NPC1: variants seen among roughly 807,000 people sequenced by gnomAD.
NPC1 encodes NPC intracellular cholesterol transporter 1.
In NPC1, 85 loss-of-function variants were observed where a neutral mutation model predicts 140.4. The ratio of observed to expected loss-of-function variants is 0.61; its 90% CI spans 0.51 to 0.72. The LOEUF (loss-of-function observed/expected upper bound fraction) is 0.72, where lower values mean the gene tolerates loss of function less well. Among genes scored for constraint, NPC1 ranks in the 30% least tolerant of loss-of-function variants. NPC1 has a pLI of 0.00. For missense variants in NPC1, 1,504 were observed against 1,623.8 expected (o/e 0.93, Z 1.27); for synonymous variants, 656 against 624.8 (o/e 1.05, Z -0.74).
At chr18:23,571,908 A>G (rs1052448564) in intron 3 of NPC1, among the ~76,000 whole-genome samples, 166 bp downstream of exon 3, 5 of 151,266 alleles carry the variant, frequency 3.3e-5, no homozygotes, top group Non-Finnish European at 1.5e-5. Flanking sequence ...ATAAATATAT[A>G]TTCACCTACT....
At chr18:23,530,336 ACT>A, downstream of NPC1, 4 of 1,613,996 alleles carry the variant, frequency 2.5e-6, no homozygotes, top group South Asian at 1.1e-5. Flanking sequence ...ATGGAAACTA[ACT>A]CTGTTCCTGT....
At chr18:23,569,769 A>T (rs2059175834) in intron 3 of NPC1, among the ~76,000 whole-genome samples, 1 of 152,222 alleles carries the variant, frequency 6.6e-6, no homozygotes, top group Non-Finnish European at 1.5e-5. Flanking sequence ...AAAGATAGAG[A>T]ACAGCAATGT....
At chr18:23,531,315 A>G, downstream of NPC1, 1 of 269,516 alleles carries the variant, frequency 3.7e-6, no homozygotes, top group Non-Finnish European at 6.8e-6. Context: ...ATCTCCAAAT[A>G]GTTATACAAC....
At position 23,532,257 on chromosome 18, in the gene NPC1, C is replaced by T. The variant is rs1353447097; in HGVS notation, c.3782G>A (p.Cys1261Tyr). Residue 1261 changes from cysteine to tyrosine, a missense_variant, in exon 25 of 25, where the codon TGT becomes TAT. By Grantham distance (194) the Cys-to-Tyr change is radical. Coordinates refer to ENST00000269228, the MANE Select transcript of NPC1 (RefSeq NM_000271.5). Reference sequence around the variant, plus strand: ...TCCTTTGTATCGCTCTTCAGTGGCACAACTTTTGGCTTTATTTACTGATGG... The same window carrying T: ...TCCTTTGTATCGCTCTTCAGTGGCATAACTTTTGGCTTTATTTACTGATGG... ...IGPSVNKAKS[C>Y]ATEERYKGTE... 6.2e-7 allele frequency: 1 copy of T among 1,614,122 alleles called. No homozygotes were observed. Among genetic ancestry groups the T allele is most frequent in the Non-Finnish European group, 8.5e-7 (1 of 1,180,028 alleles).
rs886042268 is a variant in NPC1 at position 23,535,702 on chromosome 18, T to C, written c.3246-2A>G. ...TGTTCGTAGAAGACATAAAACACAC[T>C]GGAGGGGAGAGGGGAGGCCTCATTA... On this transcript the variant is annotated splice_acceptor_variant, in intron 21 of 24. Coordinates refer to ENST00000269228, the MANE Select transcript of NPC1 (RefSeq NM_000271.5). LOFTEE classifies it high-confidence loss of function. The C allele has an allele frequency of 9.4e-6, 15 of 1,603,604 alleles. No individual in the cohort carries two copies. The highest frequency in any genetic ancestry group is 1.7e-5 in the Admixed American group (1 of 59,986).
At position 23,568,875 on chromosome 18, in the gene NPC1, C is replaced by T. The variant is rs756405444; in HGVS notation, c.411G>A (p.Thr137=). Residue 137 remains threonine, a synonymous_variant, in exon 4 of 25, where the codon ACG becomes ACA. Coordinates refer to ENST00000269228, the MANE Select transcript of NPC1 (RefSeq NM_000271.5). ...EDYVDPVTNQ[T]KTNVKELQYY... ...ATTGTAACTCTTTCACATTTGTTTT[C>T]GTCTGGTTTGTAACAGGATCAACAT... 53 of 1,613,952 alleles carry T rather than the reference C, an allele frequency of 3.3e-5. No individual in the cohort carries two copies. The highest frequency in any genetic ancestry group is 3.9e-5 in the Non-Finnish European group (46 of 1,179,964).
intron 4 of NPC1, among the ~76,000 whole-genome samples, chr18:23,565,367 CTTT>C (rs887550103): frequency 4.6e-5 from 7 of 151,978 alleles, no homozygotes; most frequent in Admixed American, 2.0e-4. Context: ...TTCTGTTTTT[CTTT>C]TTTTGAGATG....
downstream of NPC1, chr18:23,518,809 TTTAC>T: frequency 4.7e-6 from 6 of 1,268,644 alleles, no homozygotes; most frequent in Non-Finnish European, 3.4e-6. Flanking sequence ...TATCTTATAA[TTTAC>T]TTAACCGTGA....
chr18:23,557,023 C>T, intron 7 of NPC1, 94 bp downstream of exon 7: 2 of 1,044,660 alleles, frequency 1.9e-6, no homozygotes, highest in Non-Finnish European at 1.5e-6. Flanking sequence ...TGGCACACCA[C>T]CTCACCCACT....
intron 1 of NPC1, among the ~76,000 whole-genome samples, chr18:23,581,819 G>A (rs1391019488): frequency 6.6e-6 from 1 of 152,054 alleles, no homozygotes; most frequent in East Asian, 1.9e-4. Flanking sequence ...CCATAGCTCA[G>A]CTCAAAAATG....
chr18:23,586,383 G>C lies in NPC1; in HGVS notation c.-40C>G, dbSNP rs756150658. 4.6e-6 allele frequency: 7 copies of C among 1,530,486 alleles called. No individual in the cohort carries two copies. In the South Asian group the frequency reaches 8.4e-5, roughly 18 times the overall value. 94.8% of individuals were successfully genotyped at this position (1,530,486 alleles called of 1,614,324 possible). On this transcript the variant is annotated 5_prime_UTR_variant, in exon 1 of 25. Transcript: ENST00000269228. ...AGGCTGCTGACGCCGGCGGCGTTCG[G>C]CTGGTTGGGCTCCCCGGAGGCGGCT... is the stretch of plus-strand genomic sequence containing the variant.
intron 4 of NPC1, among the ~76,000 whole-genome samples, chr18:23,564,199 G>T (rs2059087997): frequency 6.6e-6 from 1 of 151,900 alleles, no homozygotes; most frequent in South Asian, 2.1e-4. Flanking sequence ...GGCCAGGCTG[G>T]TCTCGAACTC....
At chr18:23,576,612 C>G (rs1265514218) in intron 1 of NPC1, 3 of 388,428 alleles carry the variant, frequency 7.7e-6, no homozygotes, top group Admixed American at 6.3e-5. Context: ...CGTTACAGCT[C>G]TTAAGGTGGC....
At chr18:23,584,880 G>T (rs945733184) in intron 1 of NPC1, among the ~76,000 whole-genome samples, 2 of 152,182 alleles carry the variant, frequency 1.3e-5, no homozygotes, top group Non-Finnish European at 2.9e-5. Flanking sequence ...CCTATTTAAG[G>T]TCCTGATCTA....
At chr18:23,543,368 A>G in intron 14 of NPC1, 87 bp downstream of exon 14, 2 of 777,192 alleles carry the variant, frequency 2.6e-6, no homozygotes, top group South Asian at 1.5e-5. Flanking sequence ...AAAGGAAGCA[A>G]CACAAAGGGA....
intron 4 of NPC1, among the ~76,000 whole-genome samples, chr18:23,566,029 G>A (rs903370924): frequency 6.6e-6 from 1 of 152,062 alleles, no homozygotes; most frequent in African/African-American, 2.4e-5. Flanking sequence ...AACACATGGA[G>A]AATAATACAA....
rs1388759898 is a variant in NPC1 at position 23,556,233 on chromosome 18, AGCAG to A, written c.1326+6_1326+9del. On this transcript the variant is annotated splice_donor_region_variant and intron_variant, in intron 8 of 24. Coordinates refer to ENST00000269228, the MANE Select transcript of NPC1 (RefSeq NM_000271.5). ...TCTAGAGTGACTTATTTCTTCAAAC[AGCAG>A]GTTACCTGGTGCAGTATCTGTATGT... 1 of 1,613,292 alleles carries A rather than the reference AGCAG, an allele frequency of 6.2e-7. No individual in the cohort carries two copies. The highest frequency in any genetic ancestry group is 8.5e-7 in the Non-Finnish European group (1 of 1,179,420).
chr18:23,516,099 G>A (rs1035863297), intron 3 of NPC1: 165 of 1,534,078 alleles, frequency 1.1e-4, no homozygotes, highest in Non-Finnish European at 1.4e-4. Context: ...TCCTCTAGCC[G>A]TAACGTCACC....
downstream of NPC1, among the ~76,000 whole-genome samples, chr18:23,527,549 G>A (rs540184360): frequency 2.0e-5 from 3 of 151,192 alleles, no homozygotes; most frequent in East Asian, 1.9e-4. Flanking sequence ...CCAAAGTGCT[G>A]GGATTATAGG....
Sources: gnomAD v4.1 joint callset for allele counts (sites outside exome capture counted in the v4.1 genomes callset) on GRCh38, gnomAD v4.1.1 for gene constraint, MANE v1.5 for transcripts, NCBI Gene and HGNC (gene_info 2026-07-23, HGNC 2026-07-21) for gene names.